RANBP2: variants seen among roughly 807,000 people sequenced by gnomAD.
RANBP2 encodes E3 SUMO-protein ligase RanBP2.
A neutral mutation model predicts 303.6 loss-of-function variants in RANBP2; 57 were observed. The ratio of observed to expected loss-of-function variants is 0.19; its 90% CI spans 0.15 to 0.23. RANBP2 has a LOEUF of 0.23. Ranked by LOEUF, RANBP2 falls within the 10% of genes least tolerant of loss-of-function variation. The pLI is 1.00. For missense variants in RANBP2, 3,138 were observed against 3,780.8 expected (o/e 0.83, Z 4.46); for synonymous variants, 1,167 against 1,301.5 (o/e 0.90, Z 2.23).
chr2:108,975,476 G>C, the RANBP2 span, among the ~76,000 whole-genome samples: 17 of 152,262 alleles, frequency 1.1e-4, no homozygotes, highest in South Asian at 3.5e-3. Context: ...ACTTTAACCT[G>C]GGACCCTAGC....
At chr2:108,925,145 C>T in the RANBP2 span, among the ~76,000 whole-genome samples, 13 of 150,566 alleles carry the variant, frequency 8.6e-5, no homozygotes, top group South Asian at 2.1e-3. Context: ...CTATTGGTCC[C>T]GCTCCTGGGC....
At chr2:108,931,003 C>G in the RANBP2 span, 1 of 1,614,032 alleles carries the variant, frequency 6.2e-7, no homozygotes, top group Non-Finnish European at 8.5e-7. Context: ...TGCAGTCCCC[C>G]ACATGGGCCA....
chr2:109,689,863 CA>C, the RANBP2 span, among the ~76,000 whole-genome samples: 1 of 151,320 alleles, frequency 6.6e-6, no homozygotes, highest in Non-Finnish European at 1.5e-5. Flanking sequence ...AATGTTTTTC[CA>C]AAAAAAAGTG....
chr2:108,790,105 T>C (rs1289226423), downstream of RANBP2, among the ~76,000 whole-genome samples: 2 of 152,302 alleles, frequency 1.3e-5, no homozygotes, highest in South Asian at 2.1e-4. Flanking sequence ...TAACACACTT[T>C]GAACAGTTCT....
chr2:109,712,020 C>T, the RANBP2 span, among the ~76,000 whole-genome samples: 1 of 152,200 alleles, frequency 6.6e-6, no homozygotes, highest in Non-Finnish European at 1.5e-5. Context: ...GCTGATGCAG[C>T]CAGCTGGTCC....
At chr2:108,844,551 GTCTTT>G in the RANBP2 span, among the ~76,000 whole-genome samples, 1 of 152,038 alleles carries the variant, frequency 6.6e-6, no homozygotes, top group Non-Finnish European at 1.5e-5. Context: ...GCTGTTGATT[GTCTTT>G]TCTTCATTCA....
the RANBP2 span, among the ~76,000 whole-genome samples, chr2:109,703,707 G>A: frequency 1.7e-3 from 263 of 152,322 alleles, 1 homozygote; most frequent in African/African-American, 5.4e-3. Context: ...GGGATTACAC[G>A]CGTGAGCCAC....
At chr2:109,570,586 G>A in the RANBP2 span, among the ~76,000 whole-genome samples, 10 of 151,300 alleles carry the variant, frequency 6.6e-5, no homozygotes, top group East Asian at 1.9e-4. Flanking sequence ...GTGCAGTGGC[G>A]TGATGTTGGC....
the RANBP2 span, chr2:109,614,131 A>C: frequency 8.3e-7 from 1 of 1,204,692 alleles, no homozygotes; most frequent in East Asian, 3.4e-5. Context: ...GAGAGCTGGG[A>C]CTCCAGGAAG....
the RANBP2 span, among the ~76,000 whole-genome samples, chr2:109,528,645 G>A: frequency 6.6e-6 from 1 of 152,204 alleles, no homozygotes; most frequent in Non-Finnish European, 1.5e-5. Context: ...CCAGAGAACA[G>A]GAGGAAAAGC....
At chr2:109,218,738 T>G in the RANBP2 span, among the ~76,000 whole-genome samples, 2 of 152,194 alleles carry the variant, frequency 1.3e-5, no homozygotes, top group African/African-American at 4.8e-5. Context: ...GTTCTCTAAG[T>G]GAAAACAAAA....
chr2:109,625,084 CAACAAAA>C, the RANBP2 span, among the ~76,000 whole-genome samples: 66 of 61,904 alleles, frequency 1.1e-3, 1 homozygote, highest in Admixed American at 4.4e-3. Context: ...ACAACAACAA[CAACAAAA>C]AAAAAAAAAA....
the RANBP2 span, among the ~76,000 whole-genome samples, chr2:109,572,609 CTTTTTT>C: frequency 9.0e-6 from 1 of 111,222 alleles, no homozygotes; most frequent in East Asian, 2.6e-4. Context: ...TTTAAAACAA[CTTTTTT>C]TTTTTTTTTT....
the RANBP2 span, among the ~76,000 whole-genome samples, chr2:108,796,663 T>C: frequency 6.6e-6 from 1 of 152,144 alleles, no homozygotes; most frequent in Non-Finnish European, 1.5e-5. Flanking sequence ...AATCTTATCA[T>C]TGACAGCAGC....
chr2:109,319,481 G>T, the RANBP2 span, among the ~76,000 whole-genome samples: 2 of 152,168 alleles, frequency 1.3e-5, no homozygotes, highest in African/African-American at 4.8e-5. Flanking sequence ...TTGCACTTCT[G>T]CTGGGGTAGT....
the RANBP2 span, among the ~76,000 whole-genome samples, chr2:109,093,336 C>A: frequency 6.9e-6 from 1 of 145,492 alleles, no homozygotes; most frequent in South Asian, 2.1e-4. Context: ...CCCCCACAAC[C>A]AAGAAATAAC....
chr2:109,743,028 T>C, the RANBP2 span, among the ~76,000 whole-genome samples: 1 of 148,238 alleles, frequency 6.7e-6, no homozygotes. Flanking sequence ...CCCAATGCTT[T>C]GGGAGGCGGA....
At chr2:109,421,722 G>GGACATATA in the RANBP2 span, among the ~76,000 whole-genome samples, 50 of 152,204 alleles carry the variant, frequency 3.3e-4, no homozygotes, top group African/African-American at 1.2e-3. Context: ...AAACTTATGT[G>GGACATATA]TCGGACAACA....
the RANBP2 span, among the ~76,000 whole-genome samples, chr2:108,948,934 A>G: frequency 3.3e-5 from 5 of 152,194 alleles, no homozygotes; most frequent in Non-Finnish European, 7.3e-5. Context: ...TCTGGACAAG[A>G]CAGTGAGACC....
Sources: allele counts gnomAD v4.1 joint callset (sites outside exome capture counted in the v4.1 genomes callset), GRCh38; gene constraint gnomAD v4.1.1; transcripts MANE v1.5; gene names NCBI Gene and HGNC (gene_info 2026-07-23, HGNC 2026-07-21).